Variants in FOLH1 observed in about 807,000 individuals in gnomAD.
FOLH1 encodes folate hydrolase 1, also known as glutamate carboxypeptidase 2.
Under a neutral mutation model 93.9 loss-of-function variants are expected in FOLH1, and 54 were observed. The observed-to-expected ratio is 0.57, with a 90% confidence interval of 0.46 to 0.72. FOLH1 has a LOEUF of 0.72. Among genes scored for constraint, FOLH1 ranks in the 30% least tolerant of loss-of-function variants. The pLI, the probability that FOLH1 is intolerant of heterozygous loss-of-function variation, is 0.00. For missense variants in FOLH1, 571 were observed against 892.5 expected, an observed-to-expected ratio of 0.64 and a Z score of 4.59; for synonymous variants, 249 against 303.6, an observed-to-expected ratio of 0.82 and a Z score of 1.87.
chr11:49,193,494 G>A (rs1369358500), intron 3 of FOLH1, among the ~76,000 whole-genome samples: 1 of 152,036 alleles, frequency 6.6e-6, no homozygotes, highest in African/African-American at 2.4e-5. Context: ...CATTATAATA[G>A]TGCTTAGATA....
Position 49,173,402 on chromosome 11 carries a change from C to T in FOLH1, c.1180G>A (p.Val394Ile). The change falls in exon 10 of 19, where the codon GTT (valine) becomes ATT (isoleucine). Residue 394 changes from valine (V) to isoleucine (I), a missense_variant. Val to Ile is a conservative substitution (Grantham distance 29). Around this residue, in one of 2 missense-constraint regions of FOLH1, gnomAD observed 500 missense variants for 822.9 expected, o/e 0.61. Coordinates refer to ENST00000256999, the MANE Select transcript of FOLH1 (RefSeq NM_004476.3). ...AAGCTCCTCACAATTTCATGAACAA[C>T]AGCTGCTCCACTCTGAGGGTCAATA... ...GGIDPQSGAA[V>I]VHEIVRSFGT... 2 of 1,612,096 alleles carry T rather than the reference C, an allele frequency of 1.2e-6. No individual in the cohort carries two copies. Among genetic ancestry groups the T allele is most frequent in the African/African-American group, 1.3e-5 (1 of 74,920 alleles).
intron 17 of FOLH1, among the ~76,000 whole-genome samples, chr11:49,151,891 T>A (rs1473359558): frequency 1.3e-5 from 2 of 152,064 alleles, no homozygotes; most frequent in African/African-American, 4.8e-5. Flanking sequence ...ATTGTTGACT[T>A]TTTTACTCAC....
intron 12 of FOLH1, among the ~76,000 whole-genome samples, chr11:49,167,865 A>AC (rs373023339): frequency 5.3e-5 from 8 of 151,000 alleles, no homozygotes; most frequent in Non-Finnish European, 1.0e-4. Context: ...ACAGAAAAAA[A>AC]AAACAAACAA....
At chr11:49,161,190 T>C (rs573610475) in intron 13 of FOLH1, among the ~76,000 whole-genome samples, 3 of 152,306 alleles carry the variant, frequency 2.0e-5, no homozygotes, top group South Asian at 2.1e-4. Flanking sequence ...TTTGTTATTT[T>C]ATGTCTTGAA....
intron 1 of FOLH1, among the ~76,000 whole-genome samples, chr11:49,207,239 G>C (rs1487843899): frequency 6.6e-6 from 1 of 152,046 alleles, no homozygotes; most frequent in Non-Finnish European, 1.5e-5. Flanking sequence ...TAGTGGGTGG[G>C]GGGCGGACAT....
At chr11:49,155,330 T>C (rs1856888788) in intron 15 of FOLH1, among the ~76,000 whole-genome samples, 1 of 152,022 alleles carries the variant, frequency 6.6e-6, no homozygotes. Flanking sequence ...TATCACCTCC[T>C]GCATAACTCT....
At chr11:49,155,342 C>T (rs1856890510) in intron 15 of FOLH1, among the ~76,000 whole-genome samples, 3 of 152,008 alleles carry the variant, frequency 2.0e-5, no homozygotes. Flanking sequence ...CATAACTCTG[C>T]CTAACCTCCT....
chr11:49,174,857 T>C, intron 9 of FOLH1, 35 bp downstream of exon 9: 1 of 1,511,830 alleles, frequency 6.6e-7, no homozygotes, highest in Non-Finnish European at 9.1e-7. Context: ...TAACAGTTAC[T>C]TGATCAATAT....
intron 13 of FOLH1, among the ~76,000 whole-genome samples, chr11:49,158,420 G>A (rs888492864): frequency 1.1e-4 from 17 of 152,064 alleles, no homozygotes; most frequent in Non-Finnish European, 1.9e-4. Context: ...AAAGAAGTAA[G>A]CTGGTTAAGG....
At chr11:49,208,084 C>CA (rs1590724763) in intron 1 of FOLH1, 1 of 627,228 alleles carries the variant, frequency 1.6e-6, no homozygotes, top group East Asian at 2.7e-5. Context: ...ACTGTCCTAC[C>CA]AGCAGCTTGT....
chr11:49,182,639 T>C (rs928865721), intron 7 of FOLH1, among the ~76,000 whole-genome samples: 5 of 152,206 alleles, frequency 3.3e-5, no homozygotes, highest in Non-Finnish European at 1.5e-5. Context: ...GAGAAAGTCC[T>C]TAGACTGCAA....
intron 9 of FOLH1, among the ~76,000 whole-genome samples, chr11:49,174,168 T>C (rs1313703945): frequency 6.6e-6 from 1 of 152,198 alleles, no homozygotes; most frequent in Non-Finnish European, 1.5e-5. Context: ...TATTCAACAG[T>C]AGCCACTTAT....
intron 13 of FOLH1, among the ~76,000 whole-genome samples, chr11:49,159,916 T>C (rs1425045977): frequency 6.6e-6 from 1 of 151,730 alleles, no homozygotes; most frequent in Non-Finnish European, 1.5e-5. Context: ...CTTTTTTTTT[T>C]TCTGTTTTTG....
At chr11:49,156,677 A>G in intron 15 of FOLH1, 40 bp downstream of exon 15, 2 of 1,611,670 alleles carry the variant, frequency 1.2e-6, no homozygotes, top group Non-Finnish European at 1.7e-6. Context: ...TAGTTAAAAC[A>G]TATTCATAAA....
At position 49,196,013 on chromosome 11, in the gene FOLH1, G is replaced by A. The variant is rs377746327; in HGVS notation, c.412-3119C>T. 4.9e-4 allele frequency among the ~76,000 whole-genome samples: 74 copies of A among 152,242 alleles called. 1 individual carries two copies. In the South Asian group the frequency reaches 0.015, roughly 31 times the overall value. Reference sequence around the variant, plus strand: ...TACTAAAAATACAAAAATTAGCCGGGTGCGGTGGCTCATGCCTGTAGTCCC... The same window carrying A: ...TACTAAAAATACAAAAATTAGCCGGATGCGGTGGCTCATGCCTGTAGTCCC... On this transcript the variant is annotated intron_variant, in intron 3 of 18. Transcript: ENST00000256999.
intron 10 of FOLH1, among the ~76,000 whole-genome samples, chr11:49,172,962 T>C (rs1859528988): frequency 2.0e-5 from 3 of 152,158 alleles, no homozygotes; most frequent in Admixed American, 2.0e-4. Flanking sequence ...TTAATTACTT[T>C]GTACACGTAA....
chr11:49,160,545 C>T (rs1565144512), intron 13 of FOLH1, among the ~76,000 whole-genome samples: 1 of 151,938 alleles, frequency 6.6e-6, no homozygotes. Flanking sequence ...CGGGTTCAAG[C>T]GATTCTCCTG....
At position 49,208,320 on chromosome 11, in the gene FOLH1, A is replaced by G. The variant is rs763921289; in HGVS notation, c.90T>C (p.Gly30=). 6.4e-7 allele frequency: 1 copy of G among 1,573,134 alleles called. No homozygotes were observed. Among genetic ancestry groups the G allele is most frequent in the East Asian group, 2.3e-5 (1 of 42,938 alleles). The change falls in exon 1 of 19, where the codon GGT becomes GGC. Residue 30 remains glycine, a synonymous_variant. Coordinates refer to ENST00000256999, the MANE Select transcript of FOLH1 (RefSeq NM_004476.3). Reference sequence around the variant, plus strand: ...AGAGGAAGCCGAGGAGAAAGAAGCCACCCGCCAGCACCAGCGCCCCAGCGC... The same window carrying G: ...AGAGGAAGCCGAGGAGAAAGAAGCCGCCCGCCAGCACCAGCGCCCCAGCGC... ...WLCAGALVLA[G]GFFLLGFLFG... is the part of the protein sequence containing the mutation.
intron 13 of FOLH1, among the ~76,000 whole-genome samples, chr11:49,159,895 TTTTTCC>T (rs1444618876): frequency 6.6e-6 from 1 of 150,580 alleles, no homozygotes; most frequent in African/African-American, 2.4e-5. Context: ...CTTTTTTTTC[TTTTTCC>T]TTTTCTTTTT....
Sources: gnomAD v4.1 joint callset for allele counts (sites outside exome capture counted in the v4.1 genomes callset) on GRCh38, gnomAD v4.1.1 for gene constraint, gnomAD v4.1.1 regional missense constraint, MANE v1.5 for transcripts, NCBI Gene and HGNC (gene_info 2026-07-23, HGNC 2026-07-21) for gene names.